TRPC3: variants seen among roughly 807,000 people sequenced by gnomAD.
The protein encoded by TRPC3 is short transient receptor potential channel 3.
TRPC3 carries 54 observed loss-of-function variants against 90.9 expected under a neutral mutation model. That is an observed-to-expected ratio of 0.59 (90% CI 0.48 to 0.75). The LOEUF (loss-of-function observed/expected upper bound fraction) is 0.75. Ranked by LOEUF, TRPC3 falls within the 30% of genes least tolerant of loss-of-function variation. The pLI is 0.00. For synonymous variants in TRPC3, 424 were observed against 450.9 expected (o/e 0.94, Z 0.75); for missense variants, 918 against 1,194.5 (o/e 0.77, Z 3.41).
chr4:121,930,894 TAATG>T (rs1488614983), intron 2 of TRPC3: 1 of 340,518 alleles, frequency 2.9e-6, no homozygotes, highest in Non-Finnish European at 5.4e-6. Context: ...AAATACCACA[TAATG>T]AATCTCTTCA....
At chr4:121,890,434 A>C (rs976433345) in intron 10 of TRPC3, among the ~76,000 whole-genome samples, 1 of 152,200 alleles carries the variant, frequency 6.6e-6, no homozygotes, top group Non-Finnish European at 1.5e-5. Flanking sequence ...GTATGCCATA[A>C]GTATGCATAA....
chr4:121,879,642 A>C lies in TRPC3; in HGVS notation c.*94T>G. 1 of 1,410,626 alleles carries C rather than the reference A, an allele frequency of 7.1e-7. No individual in the cohort carries two copies. The allele number at this position is 1,410,626 out of a possible 1,614,324, so 87.4% of individuals were successfully genotyped here. On this transcript the variant is annotated 3_prime_UTR_variant, in exon 12 of 12. Transcript: ENST00000379645. ...TCACATGATAAAGGTAGTTAATACT[A>C]AAAATTTACATCATAGTTTTTCAAG...
At chr4:121,914,567 T>C (rs1729232233) in intron 4 of TRPC3, among the ~76,000 whole-genome samples, 2 of 151,526 alleles carry the variant, frequency 1.3e-5, no homozygotes, top group Non-Finnish European at 2.9e-5. Flanking sequence ...AAGTACTTTA[T>C]GCCTGCAAAT....
Position 121,879,706 on chromosome 4 carries a change from T to C in TRPC3, c.*30A>G. The C allele has an allele frequency of 1.3e-6, 2 of 1,592,578 alleles. No homozygotes were observed. The highest frequency in any genetic ancestry group is 1.4e-5 in the African/African-American group (1 of 73,786). On this transcript the variant is annotated 3_prime_UTR_variant, in exon 12 of 12. Coordinates refer to ENST00000379645, the MANE Select transcript of TRPC3 (RefSeq NM_001130698.2). ...GAAATATTATTGCCCACATTTGTGC[T>C]ATAGTCAAAGCCAAATCCAGGTTGC...
At chr4:121,880,712 T>C (rs1020475308) in intron 11 of TRPC3, among the ~76,000 whole-genome samples, 2 of 152,170 alleles carry the variant, frequency 1.3e-5, no homozygotes, top group Non-Finnish European at 2.9e-5. Context: ...ACCACTGACC[T>C]TCAAAAGTGA....
intron 1 of TRPC3, among the ~76,000 whole-genome samples, chr4:121,933,688 T>A (rs960510188): frequency 6.6e-6 from 1 of 152,108 alleles, no homozygotes; most frequent in Non-Finnish European, 1.5e-5. Context: ...AGATCACAGG[T>A]GCAGCCCTGA....
chr4:121,910,813 T>C (rs941672091), intron 5 of TRPC3, among the ~76,000 whole-genome samples: 4 of 152,134 alleles, frequency 2.6e-5, no homozygotes, highest in African/African-American at 9.7e-5. Flanking sequence ...GAGAAATAAG[T>C]CCACAAGATT....
intron 2 of TRPC3, among the ~76,000 whole-genome samples, chr4:121,927,922 T>C (rs1729773873): frequency 6.6e-6 from 1 of 152,232 alleles, no homozygotes; most frequent in Non-Finnish European, 1.5e-5. Flanking sequence ...TGAAACATTT[T>C]ATTATAGCAT....
At chr4:121,908,081 C>G (rs929561980) in intron 6 of TRPC3, among the ~76,000 whole-genome samples, 3 of 152,110 alleles carry the variant, frequency 2.0e-5, no homozygotes, top group African/African-American at 7.2e-5. Flanking sequence ...GATGTGTTAT[C>G]TCAGCAATAT....
rs998229937 is a variant in TRPC3, at chr4:121,879,328, G to A, written c.*408C>T. On this transcript the variant is annotated 3_prime_UTR_variant, in exon 12 of 12. Transcript: ENST00000379645. ...TTTTATTTTGTTGGCAGTTCAGTTG[G>A]TTTCAACATTTATTGAGCACCTACT... 6.5e-6 allele frequency: 1 copy of A among 153,670 alleles called. No homozygotes were observed. The highest frequency in any genetic ancestry group is 1.4e-5 in the Non-Finnish European group (1 of 69,286). The allele number at this position is 153,670 out of a possible 1,614,324, so 9.5% of individuals were successfully genotyped here.
intron 10 of TRPC3, among the ~76,000 whole-genome samples, chr4:121,886,214 C>T (rs1309510280): frequency 6.6e-6 from 1 of 152,156 alleles, no homozygotes; most frequent in African/African-American, 2.4e-5. Flanking sequence ...TCAAATTCAA[C>T]TAATAATTGT....
At chr4:121,891,071 G>C (rs1456984464) in intron 10 of TRPC3, among the ~76,000 whole-genome samples, 1 of 152,110 alleles carries the variant, frequency 6.6e-6, no homozygotes, top group Non-Finnish European at 1.5e-5. Flanking sequence ...TCAATACCAA[G>C]TTGTAGGATT....
At chr4:121,894,553 C>CTTTTTT (rs1449620809) in intron 10 of TRPC3, among the ~76,000 whole-genome samples, 2 of 65,564 alleles carry the variant, frequency 3.1e-5, no homozygotes, top group Admixed American at 4.2e-4. Context: ...AGTACACATT[C>CTTTTTT]TGTTTTTTTT....
At position 121,932,097 on chromosome 4, in the gene TRPC3, T is replaced by C. The variant is rs1281835981; in HGVS notation, c.987+174A>G. 1.3e-5 allele frequency among the ~76,000 whole-genome samples: 2 copies of C among 152,156 alleles called. No individual in the cohort carries two copies. Among genetic ancestry groups the C allele is most frequent in the Non-Finnish European group, 2.9e-5 (2 of 68,022 alleles). On this transcript the variant is annotated intron_variant, in intron 2 of 11. Coordinates refer to ENST00000379645, the MANE Select transcript of TRPC3 (RefSeq NM_001130698.2). This position sits in a 1 kb window ranked among gnomAD's most constrained non-coding sequence, Gnocchi z 7.7. ...AAGCGAATTTGTCACAGCACCATCATTGAGAGGGAGAAAGAAAACATTAGA... is the reference window on the plus strand; with the variant it reads ...AAGCGAATTTGTCACAGCACCATCACTGAGAGGGAGAAAGAAAACATTAGA...
At chr4:121,921,501 GA>G (rs1729507820) in intron 3 of TRPC3, among the ~76,000 whole-genome samples, 1 of 115,804 alleles carries the variant, frequency 8.6e-6, no homozygotes, top group Admixed American at 1.2e-4. Context: ...CAGCCTGGGC[GA>G]CAGAGCGAGA....
chr4:121,948,376 T>TC (rs200236565), intron 1 of TRPC3, among the ~76,000 whole-genome samples: 67,096 of 138,812 alleles, frequency 0.48, 16,153 homozygotes, highest in East Asian at 0.57. Context: ...TTTTTTTTTT[T>TC]TCCCTCAATT....
chr4:121,887,098 C>T (rs1405345346), intron 10 of TRPC3, among the ~76,000 whole-genome samples: 1 of 152,144 alleles, frequency 6.6e-6, no homozygotes, highest in East Asian at 1.9e-4. Context: ...AAACAACTGC[C>T]CTCAGGCGTG....
chr4:121,906,424 G>T (rs1319195718), intron 7 of TRPC3, among the ~76,000 whole-genome samples: 1 of 152,096 alleles, frequency 6.6e-6, no homozygotes, highest in African/African-American at 2.4e-5. Context: ...TCCCTGCTGG[G>T]TTCAAACAGG....
At chr4:121,948,327 T>C (rs1199382335) in intron 1 of TRPC3, among the ~76,000 whole-genome samples, 1 of 151,846 alleles carries the variant, frequency 6.6e-6, no homozygotes, top group Admixed American at 6.6e-5. Context: ...AAAGCCATCA[T>C]GGATAGTGAG....
Sources: gnomAD v4.1 joint callset for allele counts (sites outside exome capture counted in the v4.1 genomes callset) on GRCh38, gnomAD v4.1.1 for gene constraint, Gnocchi (gnomAD v3.1) non-coding constraint, MANE v1.5 for transcripts, NCBI Gene and HGNC (gene_info 2026-07-23, HGNC 2026-07-21) for gene names.